STAG1: variants seen among roughly 807,000 people sequenced by gnomAD.
The protein encoded by STAG1 is cohesin subunit SA-1.
A neutral mutation model predicts 170.9 loss-of-function variants in STAG1; 26 were observed. That is an observed-to-expected ratio of 0.15 (90% CI 0.11 to 0.21). The LOEUF (loss-of-function observed/expected upper bound fraction) is 0.21, where lower values mean the gene tolerates loss of function less well. STAG1 is among the 10% of genes least tolerant of loss of function. STAG1 has a pLI of 1.00. For missense variants in STAG1, 964 were observed against 1,509.5 expected (o/e 0.64, Z 5.99); for synonymous variants, 514 against 497.7 (o/e 1.03, Z -0.44).
intron 23 of STAG1, among the ~76,000 whole-genome samples, chr3:136,370,012 G>C (rs1343619339): frequency 2.6e-5 from 4 of 152,108 alleles, no homozygotes; most frequent in Non-Finnish European, 5.9e-5. Flanking sequence ...CCTAATGCTT[G>C]AGGATAATGA....
chr3:136,456,254 A>G (rs112323182), intron 13 of STAG1, among the ~76,000 whole-genome samples: 7 of 152,342 alleles, frequency 4.6e-5, no homozygotes, highest in African/African-American at 1.2e-4. Context: ...ATACACACAA[A>G]AAATCCAAAT....
At chr3:136,632,766 C>A (rs1428995945) in intron 1 of STAG1, among the ~76,000 whole-genome samples, 1 of 151,926 alleles carries the variant, frequency 6.6e-6, no homozygotes, top group Non-Finnish European at 1.5e-5. Flanking sequence ...TAGGCTTGCA[C>A]CTCTAATTGA....
intron 1 of STAG1, among the ~76,000 whole-genome samples, chr3:136,709,374 T>A (rs1943322185): frequency 6.6e-6 from 1 of 152,152 alleles, no homozygotes; most frequent in South Asian, 2.1e-4. Context: ...AAATTTATTA[T>A]ATAGGAAAGC....
chr3:136,649,606 A>G (rs1488399714), intron 1 of STAG1, among the ~76,000 whole-genome samples: 1 of 150,342 alleles, frequency 6.7e-6, no homozygotes, highest in Non-Finnish European at 1.5e-5. Flanking sequence ...TTTTGTTTGT[A>G]TATTTAAAAA....
At chr3:136,744,075 C>A (rs1168618600) in intron 1 of STAG1, among the ~76,000 whole-genome samples, 1 of 152,214 alleles carries the variant, frequency 6.6e-6, no homozygotes, top group Non-Finnish European at 1.5e-5. Flanking sequence ...CGCCTGTAAT[C>A]CCAGCACTTT....
At chr3:136,499,973 C>A in intron 9 of STAG1, 1 of 298,690 alleles carries the variant, frequency 3.3e-6, no homozygotes, top group Non-Finnish European at 6.2e-6. Context: ...AATATTCCAT[C>A]AGTATAAATC....
chr3:136,346,977 T>TA (rs776855212), intron 29 of STAG1, among the ~76,000 whole-genome samples: 15 of 151,166 alleles, frequency 9.9e-5, no homozygotes, highest in Non-Finnish European at 1.9e-4. Flanking sequence ...CACATGCCTG[T>TA]AGTCCCAGCT....
chr3:136,605,174 G>GT (rs1559904714), intron 3 of STAG1, among the ~76,000 whole-genome samples: 1 of 152,076 alleles, frequency 6.6e-6, no homozygotes, highest in East Asian at 1.9e-4. Context: ...TATGCTGAAC[G>GT]TATCTGGAAC....
intron 21 of STAG1, among the ~76,000 whole-genome samples, chr3:136,407,547 T>C (rs2107706535): frequency 6.6e-6 from 1 of 151,690 alleles, no homozygotes; most frequent in East Asian, 2.0e-4. Context: ...CTGCAACCTC[T>C]GCCTCCCAGG....
At chr3:136,452,665 T>A (rs2088979229) in intron 13 of STAG1, among the ~76,000 whole-genome samples, 1 of 152,166 alleles carries the variant, frequency 6.6e-6, no homozygotes, top group South Asian at 2.1e-4. Flanking sequence ...TCCTACAGGT[T>A]AAACTAGATA....
intron 2 of STAG1, among the ~76,000 whole-genome samples, chr3:136,623,999 T>C (rs1352991379): frequency 6.6e-6 from 1 of 152,024 alleles, no homozygotes; most frequent in East Asian, 1.9e-4. Flanking sequence ...TAGCATATAA[T>C]TTACAAACAA....
At chr3:136,458,852 G>C (rs1313711745) in intron 13 of STAG1, among the ~76,000 whole-genome samples, 1 of 152,118 alleles carries the variant, frequency 6.6e-6, no homozygotes, top group Non-Finnish European at 1.5e-5. Flanking sequence ...CATGCACTTA[G>C]AAACCAAAAA....
rs139144641 is a variant in STAG1, at chr3:136,437,555, C to T, written c.1547-3896G>A. On this transcript the variant is annotated intron_variant, in intron 15 of 33. Coordinates refer to ENST00000383202, the MANE Select transcript of STAG1 (RefSeq NM_005862.3). ...TCCTCACTATTGATTTTAGTCTTATCACCTTGAACTCTGGCTTCTCCCTTT... is the reference window on the plus strand; with the variant it reads ...TCCTCACTATTGATTTTAGTCTTATTACCTTGAACTCTGGCTTCTCCCTTT... Among the ~76,000 whole-genome samples, 379 of 152,298 alleles carry T rather than the reference C, an allele frequency of 2.5e-3. 1 individual carries two copies. The highest frequency in any genetic ancestry group is 8.5e-3 in the African/African-American group (355 of 41,580).
At chr3:136,653,349 T>G (rs1198210075) in intron 1 of STAG1, among the ~76,000 whole-genome samples, 1 of 151,968 alleles carries the variant, frequency 6.6e-6, no homozygotes, top group Non-Finnish European at 1.5e-5. Flanking sequence ...AAAAGGAAAT[T>G]TGATTGTATT....
chr3:136,564,963 G>GAGGAAGGAATGA (rs1936997583), intron 5 of STAG1, among the ~76,000 whole-genome samples: 44 of 37,758 alleles, frequency 1.2e-3, no homozygotes, highest in Non-Finnish European at 6.0e-4. Context: ...ACATGTGTAT[G>GAGGAAGGAATGA]AGGAAGGAAG....
At position 136,439,443 on chromosome 3, in the gene STAG1, A is replaced by ACACAC. The variant is rs1559802083; in HGVS notation, c.1546+3843_1546+3844insGTGTG. On this transcript the variant is annotated intron_variant, in intron 15 of 33. Coordinates refer to ENST00000383202, the MANE Select transcript of STAG1 (RefSeq NM_005862.3). ...ACACACACACACACACACACACACAAACACTGTAAGACAGTCTTAAGGCCA... is the reference window on the plus strand; with the variant it reads ...ACACACACACACACACACACACACAACACACACACTGTAAGACAGTCTTAAGGCCA... 9.2e-3 allele frequency among the ~76,000 whole-genome samples: 415 copies of ACACAC among 44,894 alleles called. 21 individuals carry two copies. The highest frequency in any genetic ancestry group is 0.028 in the Middle Eastern group (3 of 106). 29.5% of individuals were successfully genotyped at this position (44,894 alleles called of 152,430 possible).
In STAG1 at chr3:136,455,073, T is replaced by C. The variant is rs371821301; in HGVS notation, c.1314-2926A>G. On this transcript the variant is annotated intron_variant, in intron 13 of 33. Transcript: ENST00000383202. Reference sequence around the variant, plus strand: ...TTATGGAGTGAAGCTTTCATTTGCATAAGAATTGGCTTGATTTTCACAAAG... The same window carrying C: ...TTATGGAGTGAAGCTTTCATTTGCACAAGAATTGGCTTGATTTTCACAAAG... 8.5e-5 allele frequency among the ~76,000 whole-genome samples: 13 copies of C among 152,212 alleles called. No individual in the cohort carries two copies. In the East Asian group the frequency reaches 1.9e-3, roughly 22 times the overall value.
chr3:136,612,747 T>C (rs1296747809), intron 3 of STAG1, among the ~76,000 whole-genome samples: 2 of 152,188 alleles, frequency 1.3e-5, no homozygotes, highest in African/African-American at 4.8e-5. Flanking sequence ...AATTGTTGAA[T>C]AGCATTCCAT....
At chr3:136,560,168 G>A (rs1023497040) in intron 5 of STAG1, among the ~76,000 whole-genome samples, 12 of 152,086 alleles carry the variant, frequency 7.9e-5, no homozygotes, top group East Asian at 3.9e-4. Flanking sequence ...TGAGGCATCC[G>A]GAACTTCTCT....
Sources: allele counts gnomAD v4.1 joint callset (sites outside exome capture counted in the v4.1 genomes callset), GRCh38; gene constraint gnomAD v4.1.1; transcripts MANE v1.5; gene names NCBI Gene and HGNC (gene_info 2026-07-23, HGNC 2026-07-21).